The following SRRM4 variants were observed in gnomAD, a reference collection of about 807,000 sequenced individuals.
The protein encoded by SRRM4 is serine/arginine repetitive matrix protein 4.
Under a neutral mutation model 68.9 loss-of-function variants are expected in SRRM4, and 33 were observed. The ratio of observed to expected loss-of-function variants is 0.48; its 90% CI spans 0.36 to 0.64. The LOEUF (loss-of-function observed/expected upper bound fraction) is 0.64, where lower values mean the gene tolerates loss of function less well. SRRM4 is among the 30% of genes least tolerant of loss of function. SRRM4 has a pLI of 0.00. For missense variants in SRRM4, 817 were observed against 827.1 expected, an observed-to-expected ratio of 0.99 and a Z score of 0.15; for synonymous variants, 318 against 318.8, an observed-to-expected ratio of 1.00 and a Z score of 0.03.
intron 1 of SRRM4, among the ~76,000 whole-genome samples, chr12:119,062,563 T>A (rs945869450): frequency 2.6e-5 from 4 of 152,230 alleles, no homozygotes; most frequent in Non-Finnish European, 5.9e-5. Context: ...CTTTTTTGAT[T>A]AAAAAAATTT....
chr12:119,058,283 A>G lies in SRRM4; in HGVS notation c.132-43953A>G, dbSNP rs759933473. ...AGTATTAATGAAGTCATTAATAAAT[A>G]AAAAGGATTAACATGTGGTTAACAA... is the stretch of plus-strand genomic sequence containing the variant. On this transcript the variant is annotated intron_variant, in intron 1 of 12. Coordinates refer to ENST00000267260, the MANE Select transcript of SRRM4 (RefSeq NM_194286.4). Among the ~76,000 whole-genome samples the G allele has an allele frequency of 2.0e-5, 3 of 152,256 alleles. No homozygotes were observed. The South Asian group carries it at 6.2e-4, about 31-fold the overall frequency.
At chr12:119,014,566 C>A (rs1437461216) in intron 1 of SRRM4, among the ~76,000 whole-genome samples, 1 of 152,186 alleles carries the variant, frequency 6.6e-6, no homozygotes, top group Non-Finnish European at 1.5e-5. Context: ...ATCCAAGCTG[C>A]AGTTGGCAAC....
At chr12:119,078,573 G>A (rs571800940) in intron 1 of SRRM4, among the ~76,000 whole-genome samples, 1 of 152,280 alleles carries the variant, frequency 6.6e-6, no homozygotes, top group Non-Finnish European at 1.5e-5. Context: ...ATCTTGCAAG[G>A]GGGAGGCTAT....
intron 1 of SRRM4, among the ~76,000 whole-genome samples, chr12:119,006,983 C>T (rs567542891): frequency 6.6e-6 from 1 of 152,174 alleles, no homozygotes; most frequent in African/African-American, 2.4e-5. Context: ...TTGGCAGCTG[C>T]GGGCCTGCTG....
At chr12:119,042,896 G>A (rs1953678798) in intron 1 of SRRM4, among the ~76,000 whole-genome samples, 1 of 152,116 alleles carries the variant, frequency 6.6e-6, no homozygotes, top group Non-Finnish European at 1.5e-5. Context: ...ACAGCAAAGA[G>A]GCTGGCAAGG....
intron 1 of SRRM4, among the ~76,000 whole-genome samples, chr12:119,085,587 T>C (rs1301382311): frequency 6.6e-6 from 1 of 152,188 alleles, no homozygotes; most frequent in East Asian, 1.9e-4. Flanking sequence ...ACGCCAGAAA[T>C]TGAAGACGCA....
intron 1 of SRRM4, among the ~76,000 whole-genome samples, chr12:119,046,576 G>T (rs1953709044): frequency 6.6e-6 from 1 of 152,160 alleles, no homozygotes; most frequent in Non-Finnish European, 1.5e-5. Flanking sequence ...AATGCCCAGA[G>T]GAGGGAGAGC....
intron 1 of SRRM4, among the ~76,000 whole-genome samples, chr12:119,040,973 T>G (rs2136011605): frequency 6.6e-6 from 1 of 152,018 alleles, no homozygotes; most frequent in South Asian, 2.1e-4. Context: ...GCCAGGCCGG[T>G]CTTGAACTCC....
intron 1 of SRRM4, among the ~76,000 whole-genome samples, chr12:119,087,423 GGCTCAGAA>G (rs1414042253): frequency 6.6e-6 from 1 of 152,206 alleles, no homozygotes; most frequent in Admixed American, 6.5e-5. Context: ...GCCAGGGCCT[GGCTCAGAA>G]GCTCCCAGAG....
chr12:119,039,075 G>A (rs7311043), intron 1 of SRRM4, among the ~76,000 whole-genome samples: 133,333 of 152,268 alleles, frequency 0.88, 58,561 homozygotes, highest in Middle Eastern at 0.95. Context: ...GGGTTCAAAC[G>A]CAACAAGCAT....
intron 2 of SRRM4, among the ~76,000 whole-genome samples, chr12:119,104,924 C>T (rs780894607): frequency 6.6e-6 from 1 of 150,628 alleles, no homozygotes; most frequent in Non-Finnish European, 1.5e-5. Context: ...CACCCATTAA[C>T]TCGTCATTTA....
intron 1 of SRRM4, among the ~76,000 whole-genome samples, chr12:119,067,150 AT>A (rs11430947): frequency 1.2e-3 from 185 of 148,566 alleles, no homozygotes; most frequent in African/African-American, 3.4e-3. Context: ...ACTTTCCTTC[AT>A]TTTTTTTTTT....
intron 1 of SRRM4, among the ~76,000 whole-genome samples, chr12:119,070,232 A>G (rs1030611070): frequency 2.0e-5 from 3 of 147,424 alleles, no homozygotes; most frequent in African/African-American, 7.6e-5. Context: ...AAAAAAAAAA[A>G]ACTAGCCACT....
chr12:119,134,892 A>G (rs775881823), intron 8 of SRRM4, among the ~76,000 whole-genome samples: 14 of 152,206 alleles, frequency 9.2e-5, no homozygotes, highest in Non-Finnish European at 1.5e-4. Context: ...TGAAGGATGC[A>G]TAGGAGTTCA....
chr12:119,080,808 A>G (rs1208896644), intron 1 of SRRM4, among the ~76,000 whole-genome samples: 1 of 152,096 alleles, frequency 6.6e-6, no homozygotes, highest in East Asian at 1.9e-4. Context: ...CCCTAAATCT[A>G]CTCATTCGTT....
intron 1 of SRRM4, among the ~76,000 whole-genome samples, chr12:119,091,244 T>C (rs1433174288): frequency 6.6e-6 from 1 of 152,184 alleles, no homozygotes; most frequent in Non-Finnish European, 1.5e-5. Context: ...GACAAATTTA[T>C]CCCTGGACTG....
chr12:119,101,972 G>C (rs1398253816), intron 1 of SRRM4, among the ~76,000 whole-genome samples: 1 of 152,146 alleles, frequency 6.6e-6, no homozygotes, highest in Non-Finnish European at 1.5e-5. Context: ...TCATCAAATA[G>C]TTTCACCTTT....
intron 1 of SRRM4, among the ~76,000 whole-genome samples, chr12:119,014,581 T>TCC (rs939482520): frequency 2.0e-5 from 3 of 152,104 alleles, no homozygotes; most frequent in Admixed American, 1.3e-4. Flanking sequence ...GGCAACCTGA[T>TCC]CCCCATTCCC....
At chr12:119,134,472 A>G (rs1954316635) in intron 8 of SRRM4, among the ~76,000 whole-genome samples, 1 of 151,946 alleles carries the variant, frequency 6.6e-6, no homozygotes, top group Non-Finnish European at 1.5e-5. Context: ...GAATGCTGCA[A>G]TATAGTGTGA....
Sources: allele counts gnomAD v4.1 joint callset (sites outside exome capture counted in the v4.1 genomes callset), GRCh38; gene constraint gnomAD v4.1.1; transcripts MANE v1.5; gene names NCBI Gene and HGNC (gene_info 2026-07-23, HGNC 2026-07-21).